The following LUZP2 variants were observed in gnomAD, a reference collection of about 807,000 sequenced individuals.
LUZP2 encodes leucine zipper protein 2.
Under a neutral mutation model 51.6 loss-of-function variants are expected in LUZP2, and 52 were observed. The ratio of observed to expected loss-of-function variants is 1.01; its 90% CI spans 0.81 to 1.27. The LOEUF (loss-of-function observed/expected upper bound fraction) is 1.27. LUZP2 is among the 50% of genes most tolerant of loss of function. LUZP2 has a pLI of 0.00. For synonymous variants in LUZP2, 154 were observed against 137.3 expected, an observed-to-expected ratio of 1.12 and a Z score of -0.85; for missense variants, 436 against 395.4, an observed-to-expected ratio of 1.10 and a Z score of -0.87.
chr11:24,751,094 A>G (rs1334290012), intron 4 of LUZP2, among the ~76,000 whole-genome samples: 1 of 152,180 alleles, frequency 6.6e-6, no homozygotes, highest in Non-Finnish European at 1.5e-5. Context: ...TCATCATCAG[A>G]ATCATTCATT....
At chr11:24,655,446 C>T (rs770600877) in intron 1 of LUZP2, among the ~76,000 whole-genome samples, 46 of 151,626 alleles carry the variant, frequency 3.0e-4, no homozygotes, top group Non-Finnish European at 4.4e-5. Context: ...AAATAAACTG[C>T]AATTGAGGGA....
At chr11:25,029,284 C>T (rs1162422599) in intron 9 of LUZP2, among the ~76,000 whole-genome samples, 1 of 152,070 alleles carries the variant, frequency 6.6e-6, no homozygotes, top group Non-Finnish European at 1.5e-5. Flanking sequence ...ACCTTATTCT[C>T]CATGATGTGC....
chr11:24,621,335 G>T (rs1434336163), intron 1 of LUZP2, among the ~76,000 whole-genome samples: 5 of 152,188 alleles, frequency 3.3e-5, no homozygotes, highest in Non-Finnish European at 7.3e-5. Context: ...AGTTGAACTG[G>T]AGTCTGTTTG....
At chr11:24,998,111 TC>T (rs1856563688) in intron 9 of LUZP2, among the ~76,000 whole-genome samples, 1 of 152,138 alleles carries the variant, frequency 6.6e-6, no homozygotes, top group South Asian at 2.1e-4. Flanking sequence ...GGGCTCTGTT[TC>T]GGTTCCATAT....
At chr11:24,606,973 A>C (rs1374241069) in intron 1 of LUZP2, among the ~76,000 whole-genome samples, 1 of 151,962 alleles carries the variant, frequency 6.6e-6, no homozygotes, top group African/African-American at 2.4e-5. Flanking sequence ...CAGGTCCTTT[A>C]ATCATTCTTT....
At chr11:24,854,356 G>T (rs931468522) in intron 5 of LUZP2, among the ~76,000 whole-genome samples, 3 of 152,236 alleles carry the variant, frequency 2.0e-5, no homozygotes, top group Non-Finnish European at 2.9e-5. Flanking sequence ...TCTGGCTACA[G>T]CAGCTTTGCT....
chr11:24,958,921 G>A (rs1241721160), intron 7 of LUZP2, among the ~76,000 whole-genome samples: 3 of 152,110 alleles, frequency 2.0e-5, no homozygotes, highest in African/African-American at 4.8e-5. Context: ...ATCTTGAATT[G>A]ATTTTTATAT....
intron 5 of LUZP2, among the ~76,000 whole-genome samples, chr11:24,767,997 T>C (rs1860260111): frequency 6.6e-6 from 1 of 152,108 alleles, no homozygotes; most frequent in African/African-American, 2.4e-5. Flanking sequence ...TTTATTTATT[T>C]TACTCCTAAG....
chr11:24,894,518 G>C (rs1011896581), intron 5 of LUZP2, among the ~76,000 whole-genome samples: 1 of 151,898 alleles, frequency 6.6e-6, no homozygotes, highest in Non-Finnish European at 1.5e-5. Context: ...TACTTGTACA[G>C]ATGTGTTGTA....
At chr11:25,018,892 G>A (rs1391922989) in intron 9 of LUZP2, among the ~76,000 whole-genome samples, 4 of 152,132 alleles carry the variant, frequency 2.6e-5, no homozygotes. Context: ...ACAGAAGTAA[G>A]CCAATAAGTC....
intron 9 of LUZP2, among the ~76,000 whole-genome samples, chr11:25,010,364 G>C (rs1856946052): frequency 1.3e-5 from 2 of 151,274 alleles, no homozygotes. Flanking sequence ...GACCAGCCTG[G>C]CCAATATGGT....
At chr11:24,595,421 G>A (rs775727824) in intron 1 of LUZP2, among the ~76,000 whole-genome samples, 1 of 152,136 alleles carries the variant, frequency 6.6e-6, no homozygotes, top group Non-Finnish European at 1.5e-5. Context: ...GTTTACATTA[G>A]TCTCAGGTCA....
intron 4 of LUZP2, among the ~76,000 whole-genome samples, chr11:24,760,180 G>T (rs1859930450): frequency 6.6e-6 from 1 of 152,102 alleles, no homozygotes; most frequent in African/African-American, 2.4e-5. Context: ...GGAGTGTCTG[G>T]GTTAAGATAA....
intron 9 of LUZP2, among the ~76,000 whole-genome samples, chr11:25,008,502 G>A (rs571052030): frequency 2.6e-5 from 4 of 152,140 alleles, no homozygotes; most frequent in African/African-American, 4.8e-5. Context: ...GGCCTATCAC[G>A]GCTCATTTGG....
chr11:24,515,062 G>A (rs1049331221), intron 1 of LUZP2, among the ~76,000 whole-genome samples: 1 of 152,150 alleles, frequency 6.6e-6, no homozygotes, highest in African/African-American at 2.4e-5. Context: ...ACGCTAGAAG[G>A]TCTATTATTT....
chr11:24,765,540 G>A (rs1424188420), intron 5 of LUZP2, among the ~76,000 whole-genome samples: 1 of 151,794 alleles, frequency 6.6e-6, no homozygotes, highest in African/African-American at 2.4e-5. Flanking sequence ...TTTAATTCTG[G>A]TTATGTGATG....
rs903540847 is a variant in LUZP2 at position 24,785,933 on chromosome 11, C to A, written c.396+22625C>A. The A allele has an allele frequency of 7.1e-6, 7 of 985,144 alleles. No homozygotes were observed. In the African/African-American group the frequency reaches 1.0e-4, roughly 15 times the overall value. 61.0% of individuals were successfully genotyped at this position (985,144 alleles called of 1,614,324 possible). A position where few individuals can be genotyped will look rare whatever the true frequency, so the allele number is the denominator to read the frequency against. On this transcript the variant is annotated intron_variant, in intron 5 of 11. Transcript: ENST00000336930. ...TAACTAGCAGGAACTATAGATCTGA[C>A]TTCCTACAAGCAGTCACCAAATGTA...
At position 25,010,619 on chromosome 11, in the gene LUZP2, G is replaced by A. The variant is rs183180368; in HGVS notation, c.765+27326G>A. 1.8e-3 allele frequency among the ~76,000 whole-genome samples: 275 copies of A among 152,118 alleles called. 2 individuals are homozygous for A. Among genetic ancestry groups the A allele is most frequent in the African/African-American group, 6.3e-3 (261 of 41,496 alleles). ...CACAGCACTTTGGGAGGCTGAGGGA[G>A]GCTTGAACTACTTGAGATCAGTAGT... is the stretch of plus-strand genomic sequence containing the variant. On this transcript the variant is annotated intron_variant, in intron 9 of 11. Transcript: ENST00000336930.
chr11:24,637,514 A>G (rs1565045171), intron 1 of LUZP2, among the ~76,000 whole-genome samples: 1 of 151,782 alleles, frequency 6.6e-6, no homozygotes, highest in East Asian at 1.9e-4. Context: ...ATAGAGCCAT[A>G]TTTTTCTCCT....
Sources: gnomAD v4.1 joint callset for allele counts (sites outside exome capture counted in the v4.1 genomes callset) on GRCh38, gnomAD v4.1.1 for gene constraint, MANE v1.5 for transcripts, NCBI Gene and HGNC (gene_info 2026-07-23, HGNC 2026-07-21) for gene names.